The following DDRGK1 variants were observed in gnomAD, a reference collection of about 807,000 sequenced individuals.
DDRGK1 encodes the protein DDRGK domain-containing protein 1.
In DDRGK1, 38 loss-of-function variants were observed where a neutral mutation model predicts 45.8. The observed-to-expected ratio is 0.83, with a 90% CI of 0.64 to 1.09. The LOEUF (loss-of-function observed/expected upper bound fraction) is 1.09, where lower values mean the gene tolerates loss of function less well. Among genes scored for constraint, DDRGK1 ranks in the 50% least tolerant of loss-of-function variants. The pLI is 0.00. For synonymous variants in DDRGK1, 171 were observed against 168.7 expected (o/e 1.01, Z -0.11); for missense variants, 403 against 419.9 (o/e 0.96, Z 0.35).
chr20:3,199,885 C>A (rs2067028059), intron 4 of DDRGK1, 116 bp downstream of exon 4: 3 of 911,302 alleles, frequency 3.3e-6, no homozygotes, highest in Admixed American at 6.3e-5. Context: ...CCAGGACCTG[C>A]CCTTGTGCCA....
In DDRGK1 at chr20:3,190,695, G is replaced by A. The variant is rs545056614; in HGVS notation, c.903C>T (p.Leu301=). The A allele has an allele frequency of 1.9e-6, 3 of 1,614,096 alleles. No individual in the cohort carries two copies. The highest frequency in any genetic ancestry group is 4.5e-5 in the East Asian group (2 of 44,886). Residue 301 remains leucine (L), a synonymous_variant, in exon 9 of 9, where the codon CTC becomes CTT. Transcript: ENST00000354488. ...CAGGGGACTCCCGGCCCCAGGCGAT[G>A]AGGGAGTTGCTGGCTTGGGCAAGCT... is the stretch of plus-strand genomic sequence containing the variant. ...IAELAQASNS[L]IAWGRESPAQ... is the part of the protein sequence containing the mutation.
chr20:3,198,257 T>C (rs754052900), intron 4 of DDRGK1, among the ~76,000 whole-genome samples: 1 of 149,412 alleles, frequency 6.7e-6, no homozygotes, highest in African/African-American at 2.5e-5. Flanking sequence ...AATATAAAAA[T>C]TAGCTGAGCG....
chr20:3,195,445 A>T (rs886291796), intron 4 of DDRGK1, 92 bp from the exon 5 acceptor site: 5 of 1,482,870 alleles, frequency 3.4e-6, no homozygotes, highest in Non-Finnish European at 4.5e-6. Context: ...ACACCAGAGC[A>T]TATAGCCCAG....
At chr20:3,203,500 C>T in intron 1 of DDRGK1, 84 bp from the exon 2 acceptor site, 3 of 1,428,940 alleles carry the variant, frequency 2.1e-6, no homozygotes, top group Non-Finnish European at 1.8e-6. Context: ...GAAGCCTCAC[C>T]TCCTCTGCTT....
rs775065102 is a variant in DDRGK1 at position 3,200,071 on chromosome 20, C to T, written c.440G>A (p.Arg147Gln). The T allele has an allele frequency of 3.9e-5, 63 of 1,613,742 alleles. No individual in the cohort carries two copies. The East Asian group carries it at 1.3e-3, about 33-fold the overall frequency. Residue 147 changes from arginine (R) to glutamine (Q), a missense_variant, in exon 4 of 9, where the codon CGA (arginine) becomes CAA (glutamine). Physicochemically the swap from Arg to Gln is conservative, Grantham distance 43. Transcript: ENST00000354488. ...AEEAEREERK[R>Q]LESQREAEWK... Reference sequence around the variant, plus strand: ...CTCAGCTTCGCGCTGGGACTCGAGTCGTTTCCGCTCCTCACGTTCAGCCTC... The same window carrying T: ...CTCAGCTTCGCGCTGGGACTCGAGTTGTTTCCGCTCCTCACGTTCAGCCTC...
intron 6 of DDRGK1, among the ~76,000 whole-genome samples, chr20:3,192,893 A>G (rs2066995322): frequency 6.6e-6 from 1 of 152,180 alleles, no homozygotes; most frequent in Non-Finnish European, 1.5e-5. Flanking sequence ...AAGGCAAGCG[A>G]GAGGCAGCTG....
intron 4 of DDRGK1, among the ~76,000 whole-genome samples, chr20:3,198,503 C>T (rs2067021640): frequency 6.7e-6 from 1 of 149,480 alleles, no homozygotes; most frequent in Non-Finnish European, 1.5e-5. Context: ...GAGTTCGAGA[C>T]CAGCCTGACC....
chr20:3,201,809 C>A (rs1402568882), intron 2 of DDRGK1, among the ~76,000 whole-genome samples: 5 of 150,820 alleles, frequency 3.3e-5, no homozygotes, highest in African/African-American at 1.2e-4. Context: ...AGGCGCCAGC[C>A]ACCATGCCCC....
intron 7 of DDRGK1, chr20:3,191,552 G>C: frequency 1.3e-6 from 1 of 750,612 alleles, no homozygotes. Context: ...GGCTGGCAGA[G>C]TGATGGGGTT....
At chr20:3,191,848 A>G in intron 6 of DDRGK1, 27 bp from the exon 7 acceptor site, 1 of 1,594,278 alleles carries the variant, frequency 6.3e-7, no homozygotes, top group Non-Finnish European at 8.5e-7. Flanking sequence ...GAAAAGAAAG[A>G]GAGGCTGAGC....
At chr20:3,197,368 C>A (rs530166949) in intron 4 of DDRGK1, among the ~76,000 whole-genome samples, 7 of 152,104 alleles carry the variant, frequency 4.6e-5, no homozygotes, top group African/African-American at 1.4e-4. Context: ...ACAGTGACTT[C>A]TTTCCAAAGA....
At chr20:3,192,308 G>C (rs986130145) in intron 6 of DDRGK1, among the ~76,000 whole-genome samples, 2 of 152,208 alleles carry the variant, frequency 1.3e-5, no homozygotes, top group Non-Finnish European at 2.9e-5. Context: ...ACAAGGCCCT[G>C]AGAAGGTAGG....
intron 7 of DDRGK1, 163 bp from the exon 8 acceptor site, chr20:3,191,401 C>G: frequency 1.3e-6 from 1 of 777,804 alleles, no homozygotes; most frequent in Non-Finnish European, 2.1e-6. Context: ...GTAGAAGGGG[C>G]TCTGGTCCTG....
In DDRGK1 at chr20:3,191,221, G is replaced by A; in HGVS notation, c.747C>T (p.Ile249=). Residue 249 remains isoleucine (I), a synonymous_variant, in exon 8 of 9, where the codon ATC becomes ATT. Transcript: ENST00000354488. The stretch of plus-strand genomic sequence containing the variant: ...TAGTCCCCTCAGCCAGCAGGTCCTG[G>A]ATGCGATTTATGGTGTCCTATGAGG... ...GLRTQDTINR[I]QDLLAEGTIT... 6.2e-7 allele frequency: 1 copy of A among 1,614,166 alleles called. No individual in the cohort carries two copies. The highest frequency in any genetic ancestry group is 8.5e-7 in the Non-Finnish European group (1 of 1,180,030).
chr20:3,197,668 A>ACCCAGTAGG, intron 4 of DDRGK1, among the ~76,000 whole-genome samples: 2 of 151,830 alleles, frequency 1.3e-5, no homozygotes, highest in African/African-American at 4.8e-5. Context: ...AGTGGCTCAC[A>ACCCAGTAGG]CATGTAATCC....
intron 1 of DDRGK1, 141 bp downstream of exon 1, chr20:3,204,396 G>C: frequency 1.2e-6 from 1 of 817,518 alleles, no homozygotes; most frequent in Non-Finnish European, 1.9e-6. Flanking sequence ...AGCCCCACCC[G>C]GCACACGACT....
At position 3,204,517 on chromosome 20, in the gene DDRGK1, G is replaced by A. The variant is rs757713914; in HGVS notation, c.91+20C>T. On this transcript the variant is annotated intron_variant, in intron 1 of 8. Coordinates refer to ENST00000354488, the MANE Select transcript of DDRGK1 (RefSeq NM_023935.3). ...CAGAAAACCCGGTACCACCAACCCT[G>A]GTGCAGCGGCATCTCCTACCTGATG... 1 of 1,547,548 alleles carries A rather than the reference G, an allele frequency of 6.5e-7. No individual in the cohort carries two copies. Among genetic ancestry groups the A allele is most frequent in the Non-Finnish European group, 8.7e-7 (1 of 1,152,700 alleles).
intron 2 of DDRGK1, among the ~76,000 whole-genome samples, chr20:3,202,105 A>G (rs2067042908): frequency 6.6e-6 from 1 of 150,992 alleles, no homozygotes; most frequent in East Asian, 2.0e-4. Context: ...TCAGCCTCCC[A>G]AGTAGCTGGA....
Position 3,204,560 on chromosome 20 carries a change from C to T in DDRGK1, c.68G>A (p.Arg23His). 3 of 1,575,750 alleles carry T rather than the reference C, an allele frequency of 1.9e-6. No individual in the cohort carries two copies. The highest frequency in any genetic ancestry group is 1.7e-6 in the Non-Finnish European group (2 of 1,166,906). ...LLVGFILFLT[R>H]SRGRAASAGQ... ...ACCTGATGCCGCCCGGCCCCGGCTG[C>T]GAGTCAGGAAGAGGATAAAGCCGAC... The change falls in exon 1 of 9, where the codon CGC becomes CAC. Residue 23 changes from arginine to histidine, a missense_variant. By Grantham distance (29) the Arg-to-His change is conservative. Transcript: ENST00000354488.
Sources: allele counts gnomAD v4.1 joint callset (sites outside exome capture counted in the v4.1 genomes callset), GRCh38; gene constraint gnomAD v4.1.1; transcripts MANE v1.5; gene names NCBI Gene and HGNC (gene_info 2026-07-23, HGNC 2026-07-21).